Variants in SLC44A5 observed in about 807,000 individuals in gnomAD.
The protein encoded by SLC44A5 is solute carrier family 44 member 5, also known as choline transporter-like protein 5.
In SLC44A5, 57 loss-of-function variants were observed where a neutral mutation model predicts 101.8. That is an observed-to-expected ratio of 0.56 (90% CI 0.45 to 0.70). The LOEUF is 0.70. SLC44A5 is among the 30% of genes least tolerant of loss of function. The probability of loss-of-function intolerance (pLI) is 0.00; values close to 1 mark genes in which losing one functional copy is unlikely to be tolerated. For synonymous variants in SLC44A5, 281 were observed against 290.9 expected, an observed-to-expected ratio of 0.97 and a Z score of 0.35; for missense variants, 737 against 853.1, an observed-to-expected ratio of 0.86 and a Z score of 1.70.
At chr1:75,357,206 T>C (rs548620288) in intron 3 of SLC44A5, 55 of 455,906 alleles carry the variant, frequency 1.2e-4, no homozygotes, top group Non-Finnish European at 1.9e-4. Context: ...TTGGCCTTAG[T>C]TGCTGGTGTC....
the SLC44A5 span, chr1:75,641,368 C>A: frequency 4.1e-5 from 33 of 797,920 alleles, no homozygotes; most frequent in South Asian, 3.9e-4. Context: ...CGTCTCCGGG[C>A]ATAAACTCTT....
the SLC44A5 span, among the ~76,000 whole-genome samples, chr1:75,699,079 G>T: frequency 2.3e-3 from 346 of 152,276 alleles, 2 homozygotes; most frequent in African/African-American, 7.5e-3. Flanking sequence ...AAAACACTCT[G>T]AAGGATATTA....
chr1:75,219,759 T>A, intron 15 of SLC44A5, 41 bp downstream of exon 15: 1 of 1,283,546 alleles, frequency 7.8e-7, no homozygotes. Context: ...CGAGTAGTCA[T>A]GTGAACCTGA....
chr1:75,316,107 T>C (rs1249775436), intron 4 of SLC44A5, among the ~76,000 whole-genome samples: 2 of 152,200 alleles, frequency 1.3e-5, no homozygotes, highest in Non-Finnish European at 2.9e-5. Context: ...ATTTTGAGAC[T>C]TTCAATTGCT....
intron 4 of SLC44A5, among the ~76,000 whole-genome samples, chr1:75,338,363 C>G (rs564778120): frequency 6.6e-6 from 1 of 152,172 alleles, no homozygotes; most frequent in Non-Finnish European, 1.5e-5. Context: ...TAATTCTGCT[C>G]TCTTATCTAT....
chr1:75,629,339 C>A, the SLC44A5 span, among the ~76,000 whole-genome samples: 3 of 152,106 alleles, frequency 2.0e-5, no homozygotes, highest in Admixed American at 6.6e-5. Flanking sequence ...CAAACAAAAC[C>A]AAATTCCAGA....
chr1:75,628,326 A>C, the SLC44A5 span, among the ~76,000 whole-genome samples: 1 of 152,168 alleles, frequency 6.6e-6, no homozygotes, highest in Non-Finnish European at 1.5e-5. Context: ...TCCCAAACCT[A>C]AAATGAATGT....
At chr1:75,695,851 A>G in the SLC44A5 span, among the ~76,000 whole-genome samples, 2 of 149,690 alleles carry the variant, frequency 1.3e-5, no homozygotes, top group Non-Finnish European at 3.0e-5. Context: ...TATTCATAAC[A>G]TATATATAAA....
intron 2 of SLC44A5, among the ~76,000 whole-genome samples, chr1:75,514,171 G>T (rs1055545539): frequency 6.6e-6 from 1 of 152,128 alleles, no homozygotes; most frequent in Admixed American, 6.5e-5. Flanking sequence ...ATATAAAAAA[G>T]AACTCTGTAC....
At chr1:75,244,360 A>G (rs1399819857) in intron 7 of SLC44A5, among the ~76,000 whole-genome samples, 1 of 152,098 alleles carries the variant, frequency 6.6e-6, no homozygotes, top group African/African-American at 2.4e-5. Context: ...TTTACAGTAT[A>G]ATTTAAGATT....
intron 2 of SLC44A5, among the ~76,000 whole-genome samples, chr1:75,540,802 A>G (rs951393088): frequency 1.3e-5 from 2 of 152,192 alleles, no homozygotes; most frequent in Non-Finnish European, 2.9e-5. Flanking sequence ...GTAAGTAACT[A>G]CTTTTTCAAA....
At chr1:75,347,143 C>T (rs1241869110) in intron 3 of SLC44A5, among the ~76,000 whole-genome samples, 1 of 152,006 alleles carries the variant, frequency 6.6e-6, no homozygotes, top group Non-Finnish European at 1.5e-5. Context: ...GAATAAATAC[C>T]ACTAAAGAAA....
intron 1 of SLC44A5, among the ~76,000 whole-genome samples, chr1:75,574,883 G>C (rs972940217): frequency 1.4e-4 from 22 of 152,092 alleles, no homozygotes; most frequent in Admixed American, 6.6e-4. Context: ...AAACACAAAA[G>C]GGCTGGCCAG....
At chr1:75,702,611 T>C in the SLC44A5 span, among the ~76,000 whole-genome samples, 109 of 152,296 alleles carry the variant, frequency 7.2e-4, no homozygotes, top group Middle Eastern at 3.4e-3. Flanking sequence ...GAGGACTTCA[T>C]GTCTAAAACA....
At chr1:75,481,804 G>C (rs1275158872) in intron 2 of SLC44A5, among the ~76,000 whole-genome samples, 1 of 152,182 alleles carries the variant, frequency 6.6e-6, no homozygotes, top group Admixed American at 6.5e-5. Flanking sequence ...TACACTATTG[G>C]TGGGAGTGTA....
the SLC44A5 span, among the ~76,000 whole-genome samples, chr1:75,644,487 T>C: frequency 6.6e-6 from 1 of 152,074 alleles, no homozygotes; most frequent in Non-Finnish European, 1.5e-5. Context: ...ACAATTATTC[T>C]AACTTGCTTT....
the SLC44A5 span, among the ~76,000 whole-genome samples, chr1:75,719,770 GTAT>G: frequency 6.6e-6 from 1 of 152,140 alleles, no homozygotes; most frequent in African/African-American, 2.4e-5. Context: ...TAAAGTCATA[GTAT>G]TCTGAAGACT....
the SLC44A5 span, among the ~76,000 whole-genome samples, chr1:75,625,510 C>A: frequency 6.6e-6 from 1 of 152,056 alleles, no homozygotes; most frequent in Admixed American, 6.6e-5. Flanking sequence ...GTTTCGCAGG[C>A]CAAAAATACT....
intron 3 of SLC44A5, among the ~76,000 whole-genome samples, chr1:75,341,014 G>A (rs189016875): frequency 6.6e-6 from 1 of 152,240 alleles, no homozygotes; most frequent in East Asian, 1.9e-4. Context: ...CTTTTAACTA[G>A]TTCAAATTGG....
Sources: allele counts gnomAD v4.1 joint callset (sites outside exome capture counted in the v4.1 genomes callset), GRCh38; gene constraint gnomAD v4.1.1; transcripts MANE v1.5; gene names NCBI Gene and HGNC (gene_info 2026-07-23, HGNC 2026-07-21).